CFAP161: variants seen among roughly 807,000 people sequenced by gnomAD.
CFAP161 encodes the protein cilia- and flagella-associated protein 161.
Under a neutral mutation model 29.0 loss-of-function variants are expected in CFAP161, and 25 were observed. The ratio of observed to expected loss-of-function variants is 0.86; its 90% CI spans 0.63 to 1.20. CFAP161 has a LOEUF of 1.20. Among genes scored for constraint, CFAP161 ranks in the 50% most tolerant of loss-of-function variants. The probability of loss-of-function intolerance (pLI) is 0.00; values close to 1 mark genes in which losing one functional copy is unlikely to be tolerated. For synonymous variants in CFAP161, 116 were observed against 137.4 expected, an observed-to-expected ratio of 0.84 and a Z score of 1.09; for missense variants, 367 against 371.9, an observed-to-expected ratio of 0.99 and a Z score of 0.11.
chr15:81,124,438 T>C (rs1404664948), intron 1 of CFAP161, among the ~76,000 whole-genome samples: 1 of 151,660 alleles, frequency 6.6e-6, no homozygotes, highest in Non-Finnish European at 1.5e-5. Context: ...GATTTTTGCA[T>C]TGATGTTCAC....
At chr15:81,114,796 T>C (rs904747605) in intron 1 of CFAP161, among the ~76,000 whole-genome samples, 3 of 152,092 alleles carry the variant, frequency 2.0e-5, no homozygotes, top group Admixed American at 6.6e-5. Context: ...CCCGAGTAGC[T>C]GGGACTGCAG....
At chr15:81,122,427 C>A (rs988926838) in intron 1 of CFAP161, among the ~76,000 whole-genome samples, 4 of 151,182 alleles carry the variant, frequency 2.6e-5, no homozygotes, top group African/African-American at 7.3e-5. Flanking sequence ...GAGATGGTAT[C>A]TCATTGTGGT....
chr15:81,142,891 C>T (rs374675547), intron 4 of CFAP161, among the ~76,000 whole-genome samples: 53 of 152,278 alleles, frequency 3.5e-4, no homozygotes, highest in African/African-American at 1.2e-3. Flanking sequence ...CCAGCATGGA[C>T]ATCAATTCCA....
chr15:81,121,032 T>C (rs1894566059), intron 1 of CFAP161, among the ~76,000 whole-genome samples: 1 of 152,230 alleles, frequency 6.6e-6, no homozygotes, highest in South Asian at 2.1e-4. Context: ...TTTAACATTT[T>C]GGATTAATGC....
intron 4 of CFAP161, among the ~76,000 whole-genome samples, chr15:81,140,497 T>A (rs572464273): frequency 1.3e-5 from 2 of 152,222 alleles, no homozygotes; most frequent in Admixed American, 1.3e-4. Context: ...TTACTGTATA[T>A]ACTACCCTGT....
chr15:81,136,699 G>A lies in CFAP161; in HGVS notation c.343G>A (p.Ala115Thr), dbSNP rs200314900. The stretch of plus-strand genomic sequence containing the variant: ...ATTAGAGGTACCCTGTGGCCTGAGC[G>A]CAGTTCAAGCCAAGACCCCAATTGG... ...DELEVPCGLS[A>T]VQAKTPIGRN... The change falls in exon 3 of 7, where the codon GCA becomes ACA. Residue 115 changes from alanine to threonine, a missense_variant. Physicochemically the swap from Ala to Thr is moderately conservative, Grantham distance 58. Coordinates refer to ENST00000286732, the MANE Select transcript of CFAP161 (RefSeq NM_173528.4). The A allele has an allele frequency of 1.2e-4, 191 of 1,613,958 alleles. No individual in the cohort carries two copies. The highest frequency in any genetic ancestry group is 1.4e-4 in the Non-Finnish European group (160 of 1,180,018).
chr15:81,141,300 A>G (rs1047379112), intron 4 of CFAP161, among the ~76,000 whole-genome samples: 1 of 152,192 alleles, frequency 6.6e-6, no homozygotes, highest in African/African-American at 2.4e-5. Flanking sequence ...TTCAGATGCT[A>G]TTGTAGAGAG....
chr15:81,143,951 C>T (rs537393956), intron 5 of CFAP161, 131 bp downstream of exon 5: 5 of 991,024 alleles, frequency 5.0e-6, no homozygotes, highest in South Asian at 4.4e-5. Context: ...TTTTTTTTTC[C>T]ATTTATAACA....
upstream of CFAP161, among the ~76,000 whole-genome samples, chr15:81,129,601 A>G (rs1278117675): frequency 6.6e-6 from 1 of 152,200 alleles, no homozygotes; most frequent in African/African-American, 2.4e-5. Context: ...GAATTATGGG[A>G]GCTACAATTT....
chr15:81,105,135 C>T (rs1338118199), intron 1 of CFAP161, among the ~76,000 whole-genome samples: 1 of 14,912 alleles, frequency 6.7e-5, no homozygotes, highest in African/African-American at 2.4e-4. Flanking sequence ...CTTTCTCCCC[C>T]CTCCCCTCCC....
At chr15:81,132,714 A>T (rs1168327601), upstream of CFAP161, among the ~76,000 whole-genome samples, 3 of 152,232 alleles carry the variant, frequency 2.0e-5, no homozygotes, top group African/African-American at 7.2e-5. Flanking sequence ...CTTGTTAAAA[A>T]TGTAGAGACT....
At chr15:81,117,261 A>G (rs547071657) in intron 1 of CFAP161, among the ~76,000 whole-genome samples, 4 of 152,054 alleles carry the variant, frequency 2.6e-5, no homozygotes, top group Admixed American at 6.6e-5. Context: ...CAGTGTTAAG[A>G]TTTTATTTTC....
At chr15:81,133,214 TATATATATATGTA>T (rs1408891580), upstream of CFAP161, among the ~76,000 whole-genome samples, 2,137 of 42,074 alleles carry the variant, frequency 0.051, 125 homozygotes, top group Non-Finnish European at 0.071. Context: ...TATATATATA[TATATATATATGTA>T]TTTTTTTTTA....
intron 1 of CFAP161, among the ~76,000 whole-genome samples, chr15:81,123,924 T>A (rs1894607131): frequency 6.6e-6 from 1 of 152,200 alleles, no homozygotes; most frequent in African/African-American, 2.4e-5. Flanking sequence ...ATTATAAGCT[T>A]AAGAGGGTTT....
intron 1 of CFAP161, among the ~76,000 whole-genome samples, chr15:81,114,013 C>T (rs141291901): frequency 1.3e-5 from 2 of 152,208 alleles, no homozygotes; most frequent in Non-Finnish European, 2.9e-5. Flanking sequence ...GAGCTCTGTG[C>T]CAAGAACAAA....
intron 4 of CFAP161, among the ~76,000 whole-genome samples, chr15:81,140,468 T>G (rs1176814618): frequency 6.6e-6 from 1 of 152,168 alleles, no homozygotes; most frequent in Non-Finnish European, 1.5e-5. Context: ...GCATGACATT[T>G]CCCTTAGCAT....
At chr15:81,138,657 A>G (rs1035649293) in intron 4 of CFAP161, among the ~76,000 whole-genome samples, 1 of 152,128 alleles carries the variant, frequency 6.6e-6, no homozygotes, top group African/African-American at 2.4e-5. Flanking sequence ...TCAGGTGCGT[A>G]CCTATGGGAT....
chr15:81,100,553 G>T (rs1418936183), intron 1 of CFAP161, among the ~76,000 whole-genome samples: 1 of 151,902 alleles, frequency 6.6e-6, no homozygotes, highest in Non-Finnish European at 1.5e-5. Flanking sequence ...TTCTTCCATT[G>T]CCTACAATTT....
At chr15:81,107,213 A>G (rs1894382873) in intron 1 of CFAP161, among the ~76,000 whole-genome samples, 1 of 152,224 alleles carries the variant, frequency 6.6e-6, no homozygotes. Context: ...AGTAGTATTT[A>G]CCGAGTACTC....
Sources: allele counts gnomAD v4.1 joint callset (sites outside exome capture counted in the v4.1 genomes callset), GRCh38; gene constraint gnomAD v4.1.1; transcripts MANE v1.5; gene names NCBI Gene and HGNC (gene_info 2026-07-23, HGNC 2026-07-21).